NIM1K: variants seen among roughly 807,000 people sequenced by gnomAD.
NIM1K encodes the protein NIM1 serine/threonine protein kinase, also known as serine/threonine-protein kinase NIM1.
A neutral mutation model predicts 37.1 loss-of-function variants in NIM1K; 35 were observed. The observed-to-expected ratio is 0.94, with a 90% CI of 0.72 to 1.25. NIM1K has a LOEUF of 1.25. Ranked by LOEUF, NIM1K falls within the 50% of genes most tolerant of loss-of-function variation. The probability of loss-of-function intolerance (pLI) is 0.00; values close to 1 mark genes in which losing one functional copy is unlikely to be tolerated. For missense variants in NIM1K, 564 were observed against 548.0 expected, an observed-to-expected ratio of 1.03 and a Z score of -0.29; for synonymous variants, 234 against 206.6, an observed-to-expected ratio of 1.13 and a Z score of -1.14.
At chr5:43,239,621 G>A (rs1221760224) in intron 1 of NIM1K, among the ~76,000 whole-genome samples, 1 of 151,940 alleles carries the variant, frequency 6.6e-6, no homozygotes, top group Non-Finnish European at 1.5e-5. Flanking sequence ...CCGCCTCCCA[G>A]GTTCAAGTGA....
At chr5:43,232,780 T>C (rs1752561074) in intron 1 of NIM1K, 2 of 1,104,280 alleles carry the variant, frequency 1.8e-6, no homozygotes, top group East Asian at 4.7e-5. Flanking sequence ...GCCTTGGCGA[T>C]CCATGCACTG....
intron 1 of NIM1K, among the ~76,000 whole-genome samples, chr5:43,204,081 G>GTTTTTTTT (rs70994605): frequency 1.2e-4 from 10 of 85,386 alleles, no homozygotes; most frequent in East Asian, 4.2e-4. Flanking sequence ...AGTTCCAATG[G>GTTTTTTTT]TTTTTTTTTT....
chr5:43,240,927 C>T (rs115288199), intron 1 of NIM1K, among the ~76,000 whole-genome samples: 3,229 of 152,036 alleles, frequency 0.021, 57 homozygotes, highest in Non-Finnish European at 0.032. Context: ...TTTTTCACAT[C>T]CATCTTTATG....
intron 2 of NIM1K, among the ~76,000 whole-genome samples, chr5:43,248,621 G>A (rs1752819716): frequency 6.6e-6 from 1 of 151,798 alleles, no homozygotes; most frequent in Non-Finnish European, 1.5e-5. Flanking sequence ...AGAGAGAGAG[G>A]GAGAGAGAGA....
At chr5:43,200,257 G>A (rs1055816353) in intron 1 of NIM1K, among the ~76,000 whole-genome samples, 6 of 152,056 alleles carry the variant, frequency 3.9e-5, no homozygotes, top group African/African-American at 1.4e-4. Flanking sequence ...TTCTTATTGA[G>A]CACTTGCTAT....
chr5:43,232,671 C>A (rs1752558049), intron 1 of NIM1K: 1 of 1,523,018 alleles, frequency 6.6e-7, no homozygotes, highest in South Asian at 1.3e-5. Context: ...TGGAGAACTG[C>A]AGCTTGGACT....
intron 1 of NIM1K, among the ~76,000 whole-genome samples, chr5:43,243,447 G>C (rs543960626): frequency 3.6e-4 from 54 of 151,432 alleles, no homozygotes; most frequent in African/African-American, 1.2e-3. Flanking sequence ...GTATGGGTGA[G>C]GGTTTTTTTT....
At chr5:43,263,933 G>C (rs918059193) in intron 2 of NIM1K, among the ~76,000 whole-genome samples, 3 of 152,190 alleles carry the variant, frequency 2.0e-5, no homozygotes, top group Non-Finnish European at 2.9e-5. Flanking sequence ...GAGTGGTTTT[G>C]AGTGAGTTTC....
intron 1 of NIM1K, among the ~76,000 whole-genome samples, chr5:43,200,638 A>G (rs1561070939): frequency 6.6e-6 from 1 of 152,270 alleles, no homozygotes; most frequent in East Asian, 1.9e-4. Context: ...CAACCGTAAG[A>G]TACACAACAA....
At chr5:43,250,068 G>C (rs989735123) in intron 2 of NIM1K, among the ~76,000 whole-genome samples, 1 of 151,788 alleles carries the variant, frequency 6.6e-6, no homozygotes, top group African/African-American at 2.4e-5. Context: ...TAGCCAGGAT[G>C]GTCTCGATCT....
In NIM1K at chr5:43,277,191, C is replaced by T. The variant is rs201782851; in HGVS notation, c.427C>T (p.Leu143=). 9.9e-6 allele frequency: 16 copies of T among 1,614,096 alleles called. No individual in the cohort carries two copies. The highest frequency in any genetic ancestry group is 1.4e-5 in the Non-Finnish European group (16 of 1,179,992). The change falls in exon 3 of 4, where the codon CTA becomes TTA. Residue 143 remains leucine, a synonymous_variant. Transcript: ENST00000326035. ...IIRLYEVVET[L]SKLHLVMEYA... ...CCGCCTTTACGAAGTGGTGGAGACC[C>T]TATCCAAGCTGCACTTGGTGATGGA...
intron 2 of NIM1K, among the ~76,000 whole-genome samples, chr5:43,271,599 T>G (rs1485849274): frequency 6.6e-6 from 1 of 152,216 alleles, no homozygotes; most frequent in Admixed American, 6.5e-5. Flanking sequence ...TCACACAAAC[T>G]TGCATCTTGC....
intron 1 of NIM1K, among the ~76,000 whole-genome samples, chr5:43,203,020 C>T (rs1328589658): frequency 1.3e-5 from 2 of 152,084 alleles, no homozygotes; most frequent in East Asian, 1.9e-4. Flanking sequence ...TCCAGCCTTT[C>T]GATGACTGTT....
intron 1 of NIM1K, among the ~76,000 whole-genome samples, chr5:43,239,586 GC>G (rs1383497295): frequency 6.6e-6 from 1 of 151,952 alleles, no homozygotes; most frequent in African/African-American, 2.4e-5. Flanking sequence ...GAGTACAATG[GC>G]GCAATCTTGG....
intron 1 of NIM1K, chr5:43,206,839 A>G (rs1752120518): frequency 1.3e-6 from 1 of 767,464 alleles, no homozygotes; most frequent in South Asian, 1.3e-5. Flanking sequence ...TGGAAGGACC[A>G]TGGCTATTTA....
At chr5:43,266,347 C>T (rs184078327) in intron 2 of NIM1K, among the ~76,000 whole-genome samples, 160 of 152,322 alleles carry the variant, frequency 1.1e-3, no homozygotes, top group Non-Finnish European at 1.9e-3. Flanking sequence ...AGCCTCATTG[C>T]CACCTTGCAG....
intron 2 of NIM1K, among the ~76,000 whole-genome samples, chr5:43,265,405 G>A (rs753311725): frequency 2.0e-5 from 3 of 151,892 alleles, no homozygotes; most frequent in Admixed American, 1.3e-4. Flanking sequence ...CCATTTGATC[G>A]AATTGGCTAC....
At chr5:43,259,495 C>T (rs977043970) in intron 2 of NIM1K, among the ~76,000 whole-genome samples, 1 of 152,146 alleles carries the variant, frequency 6.6e-6, no homozygotes, top group African/African-American at 2.4e-5. Context: ...AAAGCGGTAT[C>T]TCACTGTGGT....
intron 1 of NIM1K, among the ~76,000 whole-genome samples, chr5:43,213,589 GT>G (rs1228022024): frequency 6.6e-6 from 1 of 152,116 alleles, no homozygotes; most frequent in Non-Finnish European, 1.5e-5. Flanking sequence ...CACTTCCCAG[GT>G]TCAAGTGATT....
Sources: gnomAD v4.1 joint callset for allele counts (sites outside exome capture counted in the v4.1 genomes callset) on GRCh38, gnomAD v4.1.1 for gene constraint, MANE v1.5 for transcripts, NCBI Gene and HGNC (gene_info 2026-07-23, HGNC 2026-07-21) for gene names.